The following ADGRV1 variants were observed in gnomAD, a reference collection of about 807,000 sequenced individuals.
The protein encoded by ADGRV1 is adhesion G protein-coupled receptor V1, also known as G-protein coupled receptor 98.
In ADGRV1, 359 loss-of-function variants were observed where a neutral mutation model predicts 596.2. The ratio of observed to expected loss-of-function variants is 0.60; its 90% CI spans 0.55 to 0.66. The LOEUF (loss-of-function observed/expected upper bound fraction) is 0.66. Ranked by LOEUF, ADGRV1 falls within the 30% of genes least tolerant of loss-of-function variation. The pLI, the probability that ADGRV1 is intolerant of heterozygous loss-of-function variation, is 0.00. For synonymous variants in ADGRV1, 2,681 were observed against 2,679.2 expected (o/e 1.00, Z -0.02); for missense variants, 7,274 against 7,575.6 (o/e 0.96, Z 1.48).
chr5:90,759,732 G>T (rs535570974), intron 58 of ADGRV1, 144 bp downstream of exon 58: 3 of 689,826 alleles, frequency 4.3e-6, no homozygotes, highest in Non-Finnish European at 7.7e-6. Context: ...TTGGGAGGCC[G>T]CAGCGGGCAG....
chr5:90,832,596 TTTTAA>T (rs1200396236), intron 77 of ADGRV1, among the ~76,000 whole-genome samples: 2 of 152,196 alleles, frequency 1.3e-5, no homozygotes, highest in African/African-American at 2.4e-5. Context: ...TGCAGAAACT[TTTTAA>T]TTTGATATGA....
At chr5:90,783,744 A>G (rs778288482) in intron 66 of ADGRV1, 94 bp from the exon 67 acceptor site, 296 of 877,678 alleles carry the variant, frequency 3.4e-4, no homozygotes, top group Non-Finnish European at 4.8e-4. Flanking sequence ...TGCCTTGAAT[A>G]TGTATGACCA....
intron 83 of ADGRV1, among the ~76,000 whole-genome samples, chr5:90,892,325 A>G (rs1770901384): frequency 1.3e-5 from 2 of 152,100 alleles, no homozygotes; most frequent in South Asian, 4.1e-4. Flanking sequence ...ATAATTTATG[A>G]GACTGTTTCA....
At chr5:90,777,599 T>G (rs899587714) in intron 61 of ADGRV1, among the ~76,000 whole-genome samples, 1 of 152,176 alleles carries the variant, frequency 6.6e-6, no homozygotes, top group Non-Finnish European at 1.5e-5. Context: ...TTTTGTACCT[T>G]GCGTGTTAAG....
At chr5:91,134,861 C>T (rs1004518045) in intron 87 of ADGRV1, among the ~76,000 whole-genome samples, 3 of 152,062 alleles carry the variant, frequency 2.0e-5, no homozygotes, top group African/African-American at 7.2e-5. Flanking sequence ...GCATGAAAGA[C>T]ATGCAAAACT....
intron 85 of ADGRV1, among the ~76,000 whole-genome samples, chr5:91,060,400 T>TATATATA (rs1787318579): frequency 1.3e-4 from 3 of 22,804 alleles, no homozygotes; most frequent in Admixed American, 3.1e-4. Context: ...ATATATATAT[T>TATATATA]TTTTTTTTTA....
At chr5:90,573,847 T>A (rs1282752212) in intron 1 of ADGRV1, among the ~76,000 whole-genome samples, 1 of 152,234 alleles carries the variant, frequency 6.6e-6, no homozygotes, top group Non-Finnish European at 1.5e-5. Context: ...TGTGTGTGTG[T>A]GCACGTGTGC....
intron 21 of ADGRV1, among the ~76,000 whole-genome samples, chr5:90,659,386 TG>T: frequency 6.6e-6 from 1 of 152,350 alleles, no homozygotes; most frequent in South Asian, 2.1e-4. Context: ...AGTGTGATAG[TG>T]ACATTAACCA....
chr5:90,845,737 G>T (rs981889231), intron 78 of ADGRV1, among the ~76,000 whole-genome samples: 1 of 152,056 alleles, frequency 6.6e-6, no homozygotes, highest in South Asian at 2.1e-4. Context: ...ATTTTAAGGA[G>T]CTGTGTTATT....
chr5:90,917,385 T>G (rs972651534), intron 83 of ADGRV1, among the ~76,000 whole-genome samples: 2 of 150,690 alleles, frequency 1.3e-5, no homozygotes, highest in Non-Finnish European at 2.9e-5. Context: ...AGTGACTTTT[T>G]AAGTCATTAC....
At chr5:90,581,203 C>T (rs1757999964) in intron 1 of ADGRV1, among the ~76,000 whole-genome samples, 1 of 152,136 alleles carries the variant, frequency 6.6e-6, no homozygotes, top group South Asian at 2.1e-4. Flanking sequence ...TTAGAACATG[C>T]TCATTTAGCT....
At chr5:90,785,934 A>G (rs1759388332) in intron 67 of ADGRV1, among the ~76,000 whole-genome samples, 1 of 152,226 alleles carries the variant, frequency 6.6e-6, no homozygotes, top group South Asian at 2.1e-4. Flanking sequence ...TCATGCTGCT[A>G]TAAAGACACA....
chr5:90,778,150 G>A lies in ADGRV1; in HGVS notation c.12666+107G>A, dbSNP rs191998966. Reference sequence around the variant, plus strand: ...GGGTGTGTTTGTGTGTGTGTGGTTAGAAGTGGGGGATGGGGAGGAGGTAAA... The same window carrying A: ...GGGTGTGTTTGTGTGTGTGTGGTTAAAAGTGGGGGATGGGGAGGAGGTAAA... On this transcript the variant is annotated intron_variant, in intron 62 of 89. Coordinates refer to ENST00000405460, the MANE Select transcript of ADGRV1 (RefSeq NM_032119.4). 6.0e-5 allele frequency: 77 copies of A among 1,278,148 alleles called. No homozygotes were observed. In the African/African-American group the frequency reaches 9.9e-4, roughly 16 times the overall value. 79.2% of individuals were successfully genotyped at this position (1,278,148 alleles called of 1,614,324 possible). A position where few individuals can be genotyped will look rare whatever the true frequency, so the allele number is the denominator to read the frequency against.
intron 1 of ADGRV1, among the ~76,000 whole-genome samples, chr5:90,565,269 C>T (rs1165782133): frequency 6.6e-6 from 1 of 152,158 alleles, no homozygotes; most frequent in Non-Finnish European, 1.5e-5. Flanking sequence ...TCACCACTGT[C>T]TATTCCAGAA....
intron 1 of ADGRV1, among the ~76,000 whole-genome samples, chr5:90,603,337 A>G (rs1256557819): frequency 1.3e-5 from 2 of 152,226 alleles, no homozygotes; most frequent in Non-Finnish European, 2.9e-5. Flanking sequence ...CATCTACTTC[A>G]AACATTCCTT....
intron 85 of ADGRV1, among the ~76,000 whole-genome samples, chr5:91,051,571 G>T (rs1786328005): frequency 8.1e-6 from 1 of 123,396 alleles, no homozygotes; most frequent in Non-Finnish European, 1.6e-5. Flanking sequence ...TTTTGAGGAA[G>T]AGTCTCACTC....
chr5:90,874,014 A>C (rs999988323), intron 83 of ADGRV1, among the ~76,000 whole-genome samples: 2 of 152,130 alleles, frequency 1.3e-5, no homozygotes, highest in African/African-American at 4.8e-5. Context: ...CAGCAGCAGG[A>C]GTGGTCCTTT....
intron 83 of ADGRV1, among the ~76,000 whole-genome samples, chr5:90,916,771 T>G (rs1346166735): frequency 6.7e-6 from 1 of 148,516 alleles, no homozygotes; most frequent in Non-Finnish European, 1.5e-5. Context: ...TAGCTGGGAC[T>G]ACAGGCGCCC....
chr5:90,795,679 C>T (rs1760623831), intron 70 of ADGRV1, among the ~76,000 whole-genome samples: 1 of 152,226 alleles, frequency 6.6e-6, no homozygotes, highest in South Asian at 2.1e-4. Flanking sequence ...AAGTGGATCC[C>T]TGACCCCCGT....
Sources: allele counts gnomAD v4.1 joint callset (sites outside exome capture counted in the v4.1 genomes callset), GRCh38; gene constraint gnomAD v4.1.1; transcripts MANE v1.5; gene names NCBI Gene and HGNC (gene_info 2026-07-23, HGNC 2026-07-21).